The following GABRA5 variants were observed in gnomAD, a reference collection of about 807,000 sequenced individuals.
GABRA5 encodes gamma-aminobutyric acid receptor subunit alpha-5.
A neutral mutation model predicts 47.3 loss-of-function variants in GABRA5; 18 were observed. The observed-to-expected ratio is 0.38, with a 90% CI of 0.26 to 0.56. GABRA5 has a LOEUF of 0.56. Ranked by LOEUF, GABRA5 falls within the 20% of genes least tolerant of loss-of-function variation. The pLI, the probability that GABRA5 is intolerant of heterozygous loss-of-function variation, is 0.71. For synonymous variants in GABRA5, 237 were observed against 229.3 expected, an observed-to-expected ratio of 1.03 and a Z score of -0.30; for missense variants, 365 against 599.3, an observed-to-expected ratio of 0.61 and a Z score of 4.08.
intron 6 of GABRA5, among the ~76,000 whole-genome samples, chr15:26,900,838 C>T (rs1295370393): frequency 6.6e-6 from 1 of 152,044 alleles, no homozygotes; most frequent in Non-Finnish European, 1.5e-5. Context: ...CTCTAAAAAT[C>T]CTCTGTGCTC....
At chr15:26,924,796 T>C (rs937289168) in intron 7 of GABRA5, among the ~76,000 whole-genome samples, 1 of 152,192 alleles carries the variant, frequency 6.6e-6, no homozygotes, top group African/African-American at 2.4e-5. Flanking sequence ...TCTGGTCCTG[T>C]GGCTAGATCG....
At position 26,939,338 on chromosome 15, in the gene GABRA5, C is replaced by A. The variant is rs780255800; in HGVS notation, c.725-587C>A. ...TCCAGAGAAGGCACTGGGGCATCGC[C>A]AATGAAATGCCCCCGATTTCAAAGA... On this transcript the variant is annotated intron_variant, in intron 8 of 10. Coordinates refer to ENST00000335625, the MANE Select transcript of GABRA5 (RefSeq NM_000810.4). The A allele has an allele frequency of 1.4e-4, 107 of 765,182 alleles. No individual in the cohort carries two copies. In the Admixed American group the frequency reaches 1.7e-3, roughly 12 times the overall value. 47.4% of individuals were successfully genotyped at this position (765,182 alleles called of 1,614,324 possible). A position where few individuals can be genotyped will look rare whatever the true frequency, so the allele number is the denominator to read the frequency against.
intron 7 of GABRA5, among the ~76,000 whole-genome samples, chr15:26,919,094 A>G (rs1165972319): frequency 2.0e-5 from 3 of 152,128 alleles, no homozygotes; most frequent in African/African-American, 7.2e-5. Context: ...GGTGAGCCAT[A>G]TTTACCCCAC....
At chr15:26,937,113 T>C in intron 7 of GABRA5, 72 bp from the exon 8 acceptor site, 4 of 1,558,306 alleles carry the variant, frequency 2.6e-6, no homozygotes, top group Non-Finnish European at 3.5e-6. Context: ...GCTACTTTAG[T>C]AAAAGCTTCT....
chr15:26,945,777 G>A (rs965357356), intron 10 of GABRA5, among the ~76,000 whole-genome samples: 3 of 152,170 alleles, frequency 2.0e-5, no homozygotes, highest in Non-Finnish European at 2.9e-5. Flanking sequence ...CACCAGCGCC[G>A]TGACTATGCT....
At chr15:26,946,071 C>T (rs1284646727) in intron 10 of GABRA5, among the ~76,000 whole-genome samples, 1 of 152,192 alleles carries the variant, frequency 6.6e-6, no homozygotes, top group Non-Finnish European at 1.5e-5. Context: ...CACGGTTTCC[C>T]CAGGGGGTCC....
At chr15:26,905,487 C>T (rs1253607847) in intron 6 of GABRA5, among the ~76,000 whole-genome samples, 1 of 152,002 alleles carries the variant, frequency 6.6e-6, no homozygotes, top group Non-Finnish European at 1.5e-5. Context: ...TAAATTTATA[C>T]TACTGGAAGT....
At chr15:26,945,618 G>A (rs917715412) in intron 10 of GABRA5, among the ~76,000 whole-genome samples, 1 of 152,194 alleles carries the variant, frequency 6.6e-6, no homozygotes, top group African/African-American at 2.4e-5. Flanking sequence ...CACCAGATGT[G>A]TCTGATTTGC....
At chr15:26,884,727 A>T (rs1183033725) in intron 6 of GABRA5, among the ~76,000 whole-genome samples, 2 of 152,152 alleles carry the variant, frequency 1.3e-5, no homozygotes, top group African/African-American at 4.8e-5. Flanking sequence ...GCTTTTAAAG[A>T]ACTAAATTTT....
At chr15:26,927,270 A>ATT (rs11400477) in intron 7 of GABRA5, among the ~76,000 whole-genome samples, 32,511 of 142,028 alleles carry the variant, frequency 0.23, 3,980 homozygotes, top group Middle Eastern at 0.34. Flanking sequence ...TGTCCAGCTA[A>ATT]TTTTTTTTTT....
chr15:26,905,427 A>G (rs1480587495), intron 6 of GABRA5, among the ~76,000 whole-genome samples: 2 of 151,936 alleles, frequency 1.3e-5, no homozygotes, highest in Admixed American at 1.3e-4. Flanking sequence ...TTCTCTCTTC[A>G]TCTTTGACTT....
chr15:26,897,633 C>T (rs891009457), intron 6 of GABRA5, among the ~76,000 whole-genome samples: 1 of 152,186 alleles, frequency 6.6e-6, no homozygotes, highest in Non-Finnish European at 1.5e-5. Context: ...TTTACAAACT[C>T]AACAGGAGTA....
chr15:26,873,411 A>C (rs757280705), intron 3 of GABRA5, among the ~76,000 whole-genome samples: 3 of 152,182 alleles, frequency 2.0e-5, no homozygotes, highest in Non-Finnish European at 4.4e-5. Context: ...AAATCTGTTG[A>C]ACAATTTTAA....
intron 3 of GABRA5, among the ~76,000 whole-genome samples, chr15:26,879,693 G>A (rs1210346203): frequency 2.6e-5 from 4 of 152,114 alleles, no homozygotes; most frequent in South Asian, 4.1e-4. Context: ...TTAAGAACAG[G>A]GTGGAGCAGG....
At chr15:26,936,023 G>A (rs1375818699) in intron 7 of GABRA5, among the ~76,000 whole-genome samples, 1 of 152,064 alleles carries the variant, frequency 6.6e-6, no homozygotes, top group East Asian at 1.9e-4. Context: ...TTGGATTATG[G>A]GGGCAATTCC....
chr15:26,880,887 A>G lies in GABRA5; in HGVS notation c.128A>G (p.Asn43Ser), dbSNP rs1566865117. ...MPTSSVKDET[N>S]DNITIFTRIL... ...ACCAGTTCAGTGAAAGATGAGACCA[A>G]TGACAACATCACGATATTTACCAGG... Residue 43 changes from asparagine to serine, a missense_variant, in exon 4 of 11, where the codon AAT (asparagine) becomes AGT (serine). Transcript: ENST00000335625. The G allele has an allele frequency of 1.2e-6, 2 of 1,613,988 alleles. No individual in the cohort carries two copies. The highest frequency in any genetic ancestry group is 1.7e-6 in the Non-Finnish European group (2 of 1,179,868).
chr15:26,931,709 T>C (rs1180851555), intron 7 of GABRA5, among the ~76,000 whole-genome samples: 1 of 152,188 alleles, frequency 6.6e-6, no homozygotes, highest in East Asian at 1.9e-4. Context: ...GGAATATTTA[T>C]TATGAGGACC....
rs1555390751 is a variant in GABRA5, at chr15:26,895,823, A to AGAAG, written c.497+12266_497+12267insGAAG. ...GAGCAAGACTCCGTCAAAAAAAAAA[A>AGAAG]AAAAAGAAGAAGAAGAAGAAGAAAA... On this transcript the variant is annotated intron_variant, in intron 6 of 10. Transcript: ENST00000335625. 5.2e-3 allele frequency among the ~76,000 whole-genome samples: 339 copies of AGAAG among 65,240 alleles called. 1 individual carries two copies. The highest frequency in any genetic ancestry group is 0.022 in the Middle Eastern group (2 of 90). 42.8% of individuals were successfully genotyped at this position (65,240 alleles called of 152,430 possible).
chr15:26,868,759 C>A lies in GABRA5; in HGVS notation c.-109C>A, dbSNP rs921547887. On this transcript the variant is annotated 5_prime_UTR_variant, in exon 2 of 11. Transcript: ENST00000335625. ...TGCAGAGAGAGGAGTAGCTTGCTGGCTTTGAACGCGTGGCGTGGCAGATAT... is the reference window on the plus strand; with the variant it reads ...TGCAGAGAGAGGAGTAGCTTGCTGGATTTGAACGCGTGGCGTGGCAGATAT... 2 of 154,878 alleles carry A rather than the reference C, an allele frequency of 1.3e-5. No individual in the cohort carries two copies. The highest frequency in any genetic ancestry group is 2.9e-5 in the Non-Finnish European group (2 of 69,610). The allele number at this position is 154,878 out of a possible 1,614,324, so 9.6% of individuals were successfully genotyped here.
Sources: gnomAD v4.1 joint callset for allele counts (sites outside exome capture counted in the v4.1 genomes callset) on GRCh38, gnomAD v4.1.1 for gene constraint, MANE v1.5 for transcripts, NCBI Gene and HGNC (gene_info 2026-07-23, HGNC 2026-07-21) for gene names.